The following MAST2 variants were observed in gnomAD, a reference collection of about 807,000 sequenced individuals.
MAST2 encodes the protein microtubule associated serine/threonine kinase 2.
In MAST2, 70 loss-of-function variants were observed where a neutral mutation model predicts 147.4. The observed-to-expected ratio is 0.47, with a 90% CI of 0.39 to 0.58. MAST2 has a LOEUF of 0.58. Among genes scored for constraint, MAST2 ranks in the 20% least tolerant of loss-of-function variants. The pLI, the probability that MAST2 is intolerant of heterozygous loss-of-function variation, is 0.00. For missense variants in MAST2, 2,080 were observed against 2,302.3 expected, an observed-to-expected ratio of 0.90 and a Z score of 1.98; for synonymous variants, 869 against 896.8, an observed-to-expected ratio of 0.97 and a Z score of 0.55.
chr1:45,850,790 A>AT (rs1219796736), intron 3 of MAST2, among the ~76,000 whole-genome samples: 1 of 136,812 alleles, frequency 7.3e-6, no homozygotes, highest in Admixed American at 7.2e-5. Context: ...TGGGTTCTCT[A>AT]TTCTGTTCTA....
Position 45,814,768 on chromosome 1 carries a change from CAA to C in MAST2, c.178-9664_178-9663del, listed in dbSNP as rs759230515. Among the ~76,000 whole-genome samples, 86 of 152,322 alleles carry C rather than the reference CAA, an allele frequency of 5.6e-4. 1 individual carries two copies. Among genetic ancestry groups the C allele is most frequent in the Non-Finnish European group, 9.3e-4 (63 of 68,024 alleles). The stretch of plus-strand genomic sequence containing the variant: ...CGCCATTGCACTCCAGCCTGGGCGA[CAA>C]GAGCGAAACTCTATCTCAAAAATAA... On this transcript the variant is annotated intron_variant, in intron 1 of 28. Transcript: ENST00000361297.
At chr1:46,001,424 T>C (rs942439414) in intron 6 of MAST2, among the ~76,000 whole-genome samples, 7 of 152,218 alleles carry the variant, frequency 4.6e-5, no homozygotes, top group African/African-American at 1.7e-4. Flanking sequence ...TGTACAAAAG[T>C]GTATTTGACA....
chr1:45,865,744 C>T (rs1197853954), intron 3 of MAST2, among the ~76,000 whole-genome samples: 5 of 152,132 alleles, frequency 3.3e-5, no homozygotes, highest in Non-Finnish European at 7.4e-5. Context: ...TGATAGGCAA[C>T]CTTCAACTGA....
At chr1:45,910,665 G>GT (rs1345025814) in intron 4 of MAST2, among the ~76,000 whole-genome samples, 1 of 152,214 alleles carries the variant, frequency 6.6e-6, no homozygotes, top group Admixed American at 6.5e-5. Flanking sequence ...ATAAATGGAT[G>GT]TTTGACTCTG....
chr1:45,933,324 C>T (rs760516693), intron 4 of MAST2, among the ~76,000 whole-genome samples: 4 of 151,814 alleles, frequency 2.6e-5, no homozygotes, highest in Non-Finnish European at 4.4e-5. Flanking sequence ...ATACATGTAA[C>T]ACACATGTAT....
rs757547995 is a variant in MAST2, at chr1:46,028,811, G to T, written c.2096G>T (p.Arg699Leu). The T allele has an allele frequency of 6.2e-7, 1 of 1,614,160 alleles. No homozygotes were observed. The change falls in exon 18 of 29, where the codon CGC (arginine) becomes CTC (leucine). Residue 699 changes from arginine (R) to leucine (L), a missense_variant. Transcript: ENST00000361297. ...TACATTGCGCCTGAGGTGATCCTGC[G>T]CCAGGGCTATGGGAAGCCAGTGGAC... ...PEYIAPEVIL[R>L]QGYGKPVDWW...
chr1:46,033,762 T>C (rs1241379690), intron 26 of MAST2, 40 bp from the exon 27 acceptor site: 2 of 1,600,736 alleles, frequency 1.2e-6, no homozygotes, highest in East Asian at 4.5e-5. Context: ...GGCAAGAATA[T>C]GGCTCCAGCT....
At chr1:45,962,140 T>C (rs1270403520) in intron 5 of MAST2, among the ~76,000 whole-genome samples, 4 of 152,182 alleles carry the variant, frequency 2.6e-5, no homozygotes, top group African/African-American at 9.7e-5. Flanking sequence ...ATGGTGTATA[T>C]GTGCCACATT....
At chr1:45,946,606 T>C (rs1658069689) in intron 4 of MAST2, among the ~76,000 whole-genome samples, 1 of 152,222 alleles carries the variant, frequency 6.6e-6, no homozygotes, top group South Asian at 2.1e-4. Context: ...ATGTTTAGAT[T>C]TGGCTGGTAT....
At chr1:45,885,433 G>A (rs775535006) in intron 4 of MAST2, among the ~76,000 whole-genome samples, 2 of 152,104 alleles carry the variant, frequency 1.3e-5, no homozygotes, top group African/African-American at 4.8e-5. Flanking sequence ...TAATATGTTA[G>A]TTGCATTAAA....
intron 15 of MAST2, 106 bp downstream of exon 15, chr1:46,024,086 C>G: frequency 1.9e-6 from 2 of 1,067,060 alleles, no homozygotes; most frequent in Non-Finnish European, 2.8e-6. Flanking sequence ...CAGGGCCCAG[C>G]TTTCCAGTCC....
intron 3 of MAST2, among the ~76,000 whole-genome samples, chr1:45,873,932 C>T (rs373395504): frequency 6.6e-6 from 1 of 152,140 alleles, no homozygotes; most frequent in Non-Finnish European, 1.5e-5. Flanking sequence ...GTGATCTTCC[C>T]ACCTCAGCCC....
intron 4 of MAST2, among the ~76,000 whole-genome samples, chr1:45,916,344 C>G (rs1652503114): frequency 1.3e-5 from 2 of 152,090 alleles, no homozygotes; most frequent in Non-Finnish European, 2.9e-5. Flanking sequence ...AAAGCCATGC[C>G]AATAAGGTAG....
chr1:45,874,279 G>C (rs1373559939), intron 3 of MAST2, among the ~76,000 whole-genome samples: 1 of 152,170 alleles, frequency 6.6e-6, no homozygotes, highest in East Asian at 1.9e-4. Flanking sequence ...GACCAGGCAT[G>C]GTGGCTCACG....
intron 4 of MAST2, among the ~76,000 whole-genome samples, chr1:45,938,227 A>G (rs539090993): frequency 2.6e-4 from 40 of 152,232 alleles, no homozygotes; most frequent in Non-Finnish European, 5.3e-4. Flanking sequence ...TATCACATTA[A>G]TGGTGCTGTG....
intron 3 of MAST2, among the ~76,000 whole-genome samples, chr1:45,840,645 C>A (rs555276429): frequency 6.6e-6 from 1 of 152,228 alleles, no homozygotes; most frequent in Admixed American, 6.5e-5. Flanking sequence ...TTAGAGGCAG[C>A]CAAAAGCTAC....
At chr1:45,808,929 C>T (rs1644215226) in intron 1 of MAST2, among the ~76,000 whole-genome samples, 1 of 152,014 alleles carries the variant, frequency 6.6e-6, no homozygotes. Flanking sequence ...TGCCACTTCT[C>T]TTGGTTCCTT....
intron 19 of MAST2, 40 bp from the exon 20 acceptor site, chr1:46,029,791 G>T (rs1344663454): frequency 6.2e-7 from 1 of 1,609,566 alleles, no homozygotes; most frequent in Non-Finnish European, 8.5e-7. Flanking sequence ...ACTCCATGCT[G>T]CTCATCCTAC....
chr1:45,990,734 C>G (rs1557436224), intron 5 of MAST2, among the ~76,000 whole-genome samples: 1 of 152,184 alleles, frequency 6.6e-6, no homozygotes, highest in Non-Finnish European at 1.5e-5. Flanking sequence ...AGTCCTCCAT[C>G]TTCAGCCTCC....
Sources: gnomAD v4.1 joint callset for allele counts (sites outside exome capture counted in the v4.1 genomes callset) on GRCh38, gnomAD v4.1.1 for gene constraint, MANE v1.5 for transcripts, NCBI Gene and HGNC (gene_info 2026-07-23, HGNC 2026-07-21) for gene names.